The following YJU2 variants were observed in gnomAD, a reference collection of about 807,000 sequenced individuals.
YJU2 encodes YJU2 splicing factor homolog, also known as splicing factor YJU2.
YJU2 carries 28 observed loss-of-function variants against 39.6 expected under a neutral mutation model. The observed-to-expected ratio is 0.71, with a 90% CI of 0.52 to 0.97. The LOEUF (loss-of-function observed/expected upper bound fraction) is 0.97, where lower values mean the gene tolerates loss of function less well. Among genes scored for constraint, YJU2 ranks in the 50% least tolerant of loss-of-function variants. The pLI is 0.00. For synonymous variants in YJU2, 184 were observed against 182.4 expected, an observed-to-expected ratio of 1.01 and a Z score of -0.07; for missense variants, 328 against 430.4, an observed-to-expected ratio of 0.76 and a Z score of 2.11.
At chr19:4,256,585 C>T (rs1015684070) in intron 4 of YJU2, among the ~76,000 whole-genome samples, 1 of 152,176 alleles carries the variant, frequency 6.6e-6, no homozygotes, top group African/African-American at 2.4e-5. Context: ...CTGAAAACAA[C>T]AAACATTTAT....
At chr19:4,258,118 G>C in intron 4 of YJU2, 124 bp from the exon 5 acceptor site, 2 of 1,387,406 alleles carry the variant, frequency 1.4e-6, no homozygotes, top group Non-Finnish European at 1.9e-6. Context: ...GGGGTTCCCT[G>C]AGCAGGATGG....
intron 3 of YJU2, among the ~76,000 whole-genome samples, chr19:4,252,899 C>G (rs1970988661): frequency 6.6e-6 from 1 of 152,156 alleles, no homozygotes; most frequent in South Asian, 2.1e-4. Flanking sequence ...ATACTCCAGC[C>G]TGAGTGACAG....
rs1568359511 is a variant in YJU2 at position 4,247,588 on chromosome 19, T to TGGCGTGGC, written c.24+419_24+420insGCGTGGCG. On this transcript the variant is annotated intron_variant, in intron 1 of 7. Coordinates refer to ENST00000262962, the MANE Select transcript of YJU2 (RefSeq NM_018074.6). ...GGGGTGGGGTGGGGTGGCGCGTGTG[T>TGGCGTGGC]GTGTGTGTGTGTGTGTGTGTGTGTG... 1.4e-3 allele frequency among the ~76,000 whole-genome samples: 37 copies of TGGCGTGGC among 27,324 alleles called. 7 individuals carry two copies. Among genetic ancestry groups the TGGCGTGGC allele is most frequent in the Non-Finnish European group, 1.6e-3 (18 of 10,954 alleles). The allele number at this position is 27,324 out of a possible 152,430, so 17.9% of individuals were successfully genotyped here.
At chr19:4,249,964 C>T (rs904033047) in intron 2 of YJU2, among the ~76,000 whole-genome samples, 6 of 152,090 alleles carry the variant, frequency 3.9e-5, no homozygotes, top group African/African-American at 1.4e-4. Context: ...TCCTTGGCCT[C>T]CCAAAGTGCT....
At chr19:4,250,645 C>CTGGG (rs1970968464) in intron 2 of YJU2, among the ~76,000 whole-genome samples, 1 of 151,684 alleles carries the variant, frequency 6.6e-6, no homozygotes, top group African/African-American at 2.4e-5. Flanking sequence ...GCGTGCTGGG[C>CTGGG]TGGGGAGCAG....
Position 4,251,138 on chromosome 19 carries a change from G to A in YJU2, c.237G>A (p.Lys79=). Residue 79 remains lysine (K), a synonymous_variant, in exon 3 of 8, where the codon AAG becomes AAA. Transcript: ENST00000262962. The stretch of plus-strand genomic sequence containing the variant: ...TGCCCATCTTCCGCTTTTACATCAA[G>A]TGCACGCGCTGCCTGGCAGAGATCA... ...LGLPIFRFYI[K]CTRCLAEITF... 1 of 1,614,174 alleles carries A rather than the reference G, an allele frequency of 6.2e-7. No homozygotes were observed.
intron 4 of YJU2, among the ~76,000 whole-genome samples, chr19:4,256,180 AAATATATATAT>A (rs748375048): frequency 8.2e-4 from 87 of 106,522 alleles, no homozygotes; most frequent in African/African-American, 4.0e-3. Context: ...AAAAAAAAAA[AAATATATATAT>A]ATATATATAT....
chr19:4,252,610 A>T (rs547737429), intron 3 of YJU2, among the ~76,000 whole-genome samples: 10 of 152,052 alleles, frequency 6.6e-5, no homozygotes, highest in Admixed American at 2.6e-4. Flanking sequence ...TCTCAAAAAT[A>T]AATAAATAAA....
intron 1 of YJU2, among the ~76,000 whole-genome samples, chr19:4,247,662 TG>T (rs1970940981): frequency 2.6e-5 from 2 of 78,120 alleles, no homozygotes; most frequent in African/African-American, 1.3e-4. Context: ...TGTGTGTGTG[TG>T]TGTGTGTGTG....
intron 4 of YJU2, among the ~76,000 whole-genome samples, chr19:4,254,723 C>G (rs543397139): frequency 4.0e-4 from 61 of 151,426 alleles, no homozygotes; most frequent in African/African-American, 1.4e-3. Context: ...AGTCCTAGAC[C>G]AGCCTGGCCA....
In YJU2 at chr19:4,259,182, T is replaced by G. The variant is rs557839262; in HGVS notation, c.587+759T>G. Among the ~76,000 whole-genome samples the G allele has an allele frequency of 7.7e-5, 7 of 91,310 alleles. No individual in the cohort carries two copies. The East Asian group carries it at 2.4e-3, about 32-fold the overall frequency. The allele number at this position is 91,310 out of a possible 152,430, so 59.9% of individuals were successfully genotyped here. A position where few individuals can be genotyped will look rare whatever the true frequency, so the allele number is the denominator to read the frequency against. ...CTGCAAGCTCCGCCTCCCGGGTTCA[T>G]GCCATTCTGCCTCAGCCTCCCGAGT... On this transcript the variant is annotated intron_variant, in intron 5 of 7. Coordinates refer to ENST00000262962, the MANE Select transcript of YJU2 (RefSeq NM_018074.6).
chr19:4,266,836 C>T (rs954956821), intron 6 of YJU2, among the ~76,000 whole-genome samples: 1 of 152,054 alleles, frequency 6.6e-6, no homozygotes, highest in African/African-American at 2.4e-5. Context: ...AAAATGTTAG[C>T]CTGCCATGGT....
rs886064045 is a variant in YJU2, at chr19:4,247,151, C to A, written c.5C>A (p.Ser2Ter). Residue 2 changes from serine (S) to a stop codon, truncating the protein, a stop_gained, in exon 1 of 8, where the codon TCG becomes TAG. Coordinates refer to ENST00000262962, the MANE Select transcript of YJU2 (RefSeq NM_018074.6). LOFTEE classifies it high-confidence loss of function. M[S>*]ERKVLNKYYP... is the part of the protein sequence containing the mutation. ...CGAGGTGATCAGAAGGCAAAGATGT[C>A]GGAGCGAAAAGTATTAAACGTAAGT... is the stretch of plus-strand genomic sequence containing the variant. The A allele has an allele frequency of 6.2e-7, 1 of 1,613,868 alleles. No homozygotes were observed. Among genetic ancestry groups the A allele is most frequent in the Non-Finnish European group, 8.5e-7 (1 of 1,179,746 alleles).
chr19:4,263,073 C>CA (rs748864015), intron 6 of YJU2, among the ~76,000 whole-genome samples: 45,274 of 106,288 alleles, frequency 0.43, 9,158 homozygotes, highest in African/African-American at 0.59. Context: ...GACTCTGTCT[C>CA]AAAAAAAAAA....
chr19:4,266,720 G>A (rs1184458188), intron 6 of YJU2, among the ~76,000 whole-genome samples: 1 of 152,142 alleles, frequency 6.6e-6, no homozygotes, highest in East Asian at 1.9e-4. Flanking sequence ...AGTGGCTCAC[G>A]CCTGTCATCC....
At chr19:4,254,250 A>G in intron 3 of YJU2, 105 bp from the exon 4 acceptor site, 1 of 828,608 alleles carries the variant, frequency 1.2e-6, no homozygotes, top group East Asian at 2.4e-5. Flanking sequence ...AAGGTAGTAG[A>G]ACCAGTAAAA....
At chr19:4,248,872 T>G (rs886594993) in intron 1 of YJU2, among the ~76,000 whole-genome samples, 4 of 151,992 alleles carry the variant, frequency 2.6e-5, no homozygotes, top group African/African-American at 9.7e-5. Context: ...TGAGCCAAGA[T>G]CGCGCCACTG....
rs1273561475 is a variant in YJU2 at position 4,251,167 on chromosome 19, TC to T, written c.267del (p.Phe89LeufsTer42). The T allele has an allele frequency of 6.2e-7, 1 of 1,613,496 alleles. No homozygotes were observed. The highest frequency in any genetic ancestry group is 8.5e-7 in the Non-Finnish European group (1 of 1,179,760). ...ACGCGCTGCCTGGCAGAGATCACCT[TC>T]AAGGTAGGTGAGACGGCCGGCCAGG... ...KCTRCLAEITFKTDPENTDYT... is the reference protein window; with the variant it reads ...KCTRCLAEITXKTDPENTDYT... On this transcript the variant is annotated frameshift_variant, in exon 3 of 8. Transcript: ENST00000262962. LOFTEE classifies it high-confidence loss of function.
chr19:4,258,460 A>AGCCTCTGCCCCGGCAGGCGCT (rs771102245), intron 5 of YJU2, 37 bp downstream of exon 5: 41 of 1,548,608 alleles, frequency 2.6e-5, no homozygotes, highest in East Asian at 4.7e-5. Flanking sequence ...CCCACCTCGC[A>AGCCTCTGCCCCGGCAGGCGCT]GCCTCTGCCC....
Sources: allele counts gnomAD v4.1 joint callset (sites outside exome capture counted in the v4.1 genomes callset), GRCh38; gene constraint gnomAD v4.1.1; transcripts MANE v1.5; gene names NCBI Gene and HGNC (gene_info 2026-07-23, HGNC 2026-07-21).